Variants in WWOX observed in about 807,000 individuals in gnomAD.
The protein encoded by WWOX is WW domain-containing oxidoreductase.
A neutral mutation model predicts 46.2 loss-of-function variants in WWOX; 69 were observed. The ratio of observed to expected loss-of-function variants is 1.49; its 90% CI spans 1.23 to 1.82. The LOEUF (loss-of-function observed/expected upper bound fraction) is 1.82. Ranked by LOEUF, WWOX falls within the 40% of genes most tolerant of loss-of-function variation. The pLI is 0.00. For missense variants in WWOX, 919 were observed against 542.6 expected (o/e 1.69, Z -6.89); for synonymous variants, 359 against 202.6 (o/e 1.77, Z -6.56).
intron 5 of WWOX, among the ~76,000 whole-genome samples, chr16:78,279,426 T>C (rs2151853215): frequency 6.6e-6 from 1 of 152,322 alleles, no homozygotes; most frequent in East Asian, 1.9e-4. Flanking sequence ...ATTCCCAAAG[T>C]ATATTATAAA....
At chr16:78,493,285 T>G (rs191391509) in intron 8 of WWOX, among the ~76,000 whole-genome samples, 51 of 152,292 alleles carry the variant, frequency 3.3e-4, no homozygotes, top group African/African-American at 1.2e-3. Flanking sequence ...GTTAAGAATC[T>G]TTATTTAAGA....
intron 8 of WWOX, among the ~76,000 whole-genome samples, chr16:79,083,535 A>G (rs182462741): frequency 6.6e-6 from 1 of 152,314 alleles, no homozygotes; most frequent in East Asian, 1.9e-4. Flanking sequence ...TCTTTCTCAC[A>G]AAACCTCACA....
At chr16:78,389,705 C>G (rs538006981) in intron 6 of WWOX, among the ~76,000 whole-genome samples, 5 of 152,136 alleles carry the variant, frequency 3.3e-5, no homozygotes, top group Admixed American at 6.5e-5. Context: ...AGCCTCTTCA[C>G]GGCTCCAACT....
intron 8 of WWOX, among the ~76,000 whole-genome samples, chr16:78,868,371 G>T (rs2044051902): frequency 6.6e-6 from 1 of 152,108 alleles, no homozygotes; most frequent in African/African-American, 2.4e-5. Flanking sequence ...GCCTGGGGCT[G>T]GGAGTGAGTG....
chr16:78,996,637 G>C (rs189063158), intron 8 of WWOX, among the ~76,000 whole-genome samples: 1 of 152,042 alleles, frequency 6.6e-6, no homozygotes, highest in Admixed American at 6.6e-5. Context: ...GTCCATTCAG[G>C]GAGACTCTAG....
chr16:78,813,964 A>G (rs762222278), intron 8 of WWOX, among the ~76,000 whole-genome samples: 1 of 152,114 alleles, frequency 6.6e-6, no homozygotes, highest in East Asian at 1.9e-4. Context: ...CCCACCCCCA[A>G]TTCTATAGGT....
chr16:78,861,983 T>G (rs1004614728), intron 8 of WWOX, among the ~76,000 whole-genome samples: 2 of 152,156 alleles, frequency 1.3e-5, no homozygotes, highest in African/African-American at 4.8e-5. Flanking sequence ...CTGGAGAAAT[T>G]GAACTAATAC....
chr16:78,550,496 G>A (rs1451126046), intron 8 of WWOX, among the ~76,000 whole-genome samples: 1 of 152,172 alleles, frequency 6.6e-6, no homozygotes, highest in African/African-American at 2.4e-5. Flanking sequence ...CTGGTCAAGA[G>A]CACTTGTTTG....
At chr16:78,710,391 G>C (rs1440033833) in intron 8 of WWOX, among the ~76,000 whole-genome samples, 1 of 146,790 alleles carries the variant, frequency 6.8e-6, no homozygotes. Flanking sequence ...AGAGCCTTCC[G>C]CATCTGCTAT....
chr16:78,657,585 G>A lies in WWOX; in HGVS notation c.1056+224833G>A, dbSNP rs74705128. On this transcript the variant is annotated intron_variant, in intron 8 of 8. Transcript: ENST00000566780. The stretch of plus-strand genomic sequence containing the variant: ...GACCCTGGCCGGGACTGAAGCCAGA[G>A]GCCCACAGCCTACTGGACCTTTGTT... Among the ~76,000 whole-genome samples the A allele has an allele frequency of 9.7e-3, 1,471 of 152,276 alleles. 21 individuals carry two copies. The highest frequency in any genetic ancestry group is 0.034 in the African/African-American group (1,404 of 41,560).
At chr16:78,317,275 CTCTCTGTCTG>C (rs774264440) in intron 5 of WWOX, among the ~76,000 whole-genome samples, 2 of 152,192 alleles carry the variant, frequency 1.3e-5, no homozygotes, top group Non-Finnish European at 2.9e-5. Context: ...TTCTCTCTCT[CTCTCTGTCTG>C]TCTCTCTCTG....
chr16:78,450,494 T>C (rs535445544), intron 8 of WWOX, among the ~76,000 whole-genome samples: 19 of 152,304 alleles, frequency 1.2e-4, no homozygotes, highest in African/African-American at 4.3e-4. Flanking sequence ...AGAAAAGTTA[T>C]AAAAAGTATA....
intron 8 of WWOX, among the ~76,000 whole-genome samples, chr16:78,668,818 C>T (rs1032486684): frequency 3.9e-5 from 6 of 152,086 alleles, no homozygotes; most frequent in African/African-American, 1.4e-4. Flanking sequence ...GACATGGGCA[C>T]CTTCAGAGCG....
intron 8 of WWOX, among the ~76,000 whole-genome samples, chr16:78,508,439 T>A (rs1317459124): frequency 6.6e-6 from 1 of 150,558 alleles, no homozygotes; most frequent in Non-Finnish European, 1.5e-5. Context: ...ATTGGACACC[T>A]GTAAACAAAA....
chr16:78,389,611 C>G (rs1333845751), intron 6 of WWOX, among the ~76,000 whole-genome samples: 2 of 152,146 alleles, frequency 1.3e-5, no homozygotes, highest in African/African-American at 4.8e-5. Context: ...ATTAATATCT[C>G]TACTATACAG....
rs543150716 is a variant in WWOX, at chr16:78,768,358, G to C, written c.1056+335606G>C. On this transcript the variant is annotated intron_variant, in intron 8 of 8. Coordinates refer to ENST00000566780, the MANE Select transcript of WWOX (RefSeq NM_016373.4). The stretch of plus-strand genomic sequence containing the variant: ...TACTCCCAGCACTTTGGGAGGCTGA[G>C]GTGGGCGGATCATCTGAGGTGAGGA... Among the ~76,000 whole-genome samples, 332 of 151,706 alleles carry C rather than the reference G, an allele frequency of 2.2e-3. 2 individuals carry two copies. Among genetic ancestry groups the C allele is most frequent in the African/African-American group, 7.6e-3 (313 of 41,278 alleles).
chr16:78,762,158 G>A (rs2049810365), intron 8 of WWOX, among the ~76,000 whole-genome samples: 1 of 152,154 alleles, frequency 6.6e-6, no homozygotes, highest in Non-Finnish European at 1.5e-5. Context: ...GGAAACCAAG[G>A]TCAAAAGTGG....
chr16:79,157,038 T>C (rs369718166), intron 8 of WWOX, among the ~76,000 whole-genome samples: 1 of 152,356 alleles, frequency 6.6e-6, no homozygotes, highest in East Asian at 1.9e-4. Context: ...AAAATGGCCC[T>C]GGCCATTCCT....
At position 78,476,133 on chromosome 16, in the gene WWOX, A is replaced by G. The variant is rs199901081; in HGVS notation, c.1056+43381A>G. Among the ~76,000 whole-genome samples the G allele has an allele frequency of 2.6e-5, 4 of 152,328 alleles. No individual in the cohort carries two copies. The East Asian group carries it at 7.7e-4, about 29-fold the overall frequency. On this transcript the variant is annotated intron_variant, in intron 8 of 8. Transcript: ENST00000566780. ...TCCAGGCAAATCTTGCCTGTGATAC[A>G]GGTGGTGAAGCTACTGGATAGAACT...
Sources: allele counts gnomAD v4.1 joint callset (sites outside exome capture counted in the v4.1 genomes callset), GRCh38; gene constraint gnomAD v4.1.1; transcripts MANE v1.5; gene names NCBI Gene and HGNC (gene_info 2026-07-23, HGNC 2026-07-21).